The following BAZ1A variants were observed in gnomAD, a reference collection of about 807,000 sequenced individuals.
The protein encoded by BAZ1A is bromodomain adjacent to zinc finger domain 1A.
In BAZ1A, 50 loss-of-function variants were observed where a neutral mutation model predicts 185.2. The ratio of observed to expected loss-of-function variants is 0.27; its 90% confidence interval spans 0.22 to 0.34. BAZ1A has a LOEUF of 0.34. Ranked by LOEUF, BAZ1A falls within the 10% of genes least tolerant of loss-of-function variation. The pLI is 1.00. For missense variants in BAZ1A, 1,356 were observed against 1,839.9 expected, an observed-to-expected ratio of 0.74 and a Z score of 4.81; for synonymous variants, 571 against 615.6, an observed-to-expected ratio of 0.93 and a Z score of 1.07.
intron 3 of BAZ1A, among the ~76,000 whole-genome samples, chr14:34,857,875 C>T (rs1223207125): frequency 2.0e-5 from 3 of 152,218 alleles, no homozygotes; most frequent in African/African-American, 7.2e-5. Context: ...ACTTCCTCCA[C>T]AGCAACATTC....
intron 21 of BAZ1A, 81 bp from the exon 22 acceptor site, chr14:34,765,349 A>G (rs1878768581): frequency 7.3e-6 from 11 of 1,503,898 alleles, no homozygotes; most frequent in Non-Finnish European, 9.8e-6. Context: ...GGTAGTTTAA[A>G]TATAGGTTAG....
intron 3 of BAZ1A, 122 bp downstream of exon 3, chr14:34,861,922 G>T: frequency 2.6e-6 from 3 of 1,148,044 alleles, no homozygotes; most frequent in Non-Finnish European, 1.2e-6. Flanking sequence ...CTATCTGTGG[G>T]TTAACAGAAT....
intron 7 of BAZ1A, 90 bp from the exon 8 acceptor site, chr14:34,801,283 AT>A: frequency 1.2e-6 from 1 of 869,310 alleles, no homozygotes; most frequent in Non-Finnish European, 1.8e-6. Context: ...CACTTTCTTT[AT>A]ACTAAAATGA....
chr14:34,866,502 A>AAAAAAAAAAAAAAAAAAAGGAAAAG, intron 2 of BAZ1A, among the ~76,000 whole-genome samples: 1 of 79,538 alleles, frequency 1.3e-5, no homozygotes, highest in African/African-American at 3.8e-5. Flanking sequence ...AAAAAAAAAA[A>AAAAAAAAAAAAAAAAAAAGGAAAAG]GAAAAAAGTT....
intron 2 of BAZ1A, among the ~76,000 whole-genome samples, chr14:34,872,713 A>G (rs1288918154): frequency 2.0e-5 from 3 of 152,180 alleles, no homozygotes; most frequent in Non-Finnish European, 2.9e-5. Flanking sequence ...CTCAAGAACC[A>G]AAGTGCCTTA....
chr14:34,825,070 A>G (rs1465538814), intron 4 of BAZ1A, among the ~76,000 whole-genome samples: 1 of 152,186 alleles, frequency 6.6e-6, no homozygotes, highest in African/African-American at 2.4e-5. Flanking sequence ...CAGACCATCA[A>G]TTGTCTGAAT....
chr14:34,867,946 GTAAC>G (rs2042887272), intron 2 of BAZ1A, among the ~76,000 whole-genome samples: 1 of 152,218 alleles, frequency 6.6e-6, no homozygotes. Context: ...TATTAAGAAT[GTAAC>G]TAACGAAACT....
chr14:34,784,216 A>G (rs1214292983), intron 14 of BAZ1A, among the ~76,000 whole-genome samples: 1 of 151,558 alleles, frequency 6.6e-6, no homozygotes, highest in East Asian at 2.0e-4. Context: ...TAAAAATACA[A>G]AAATAGCTGG....
chr14:34,861,656 G>A (rs560879142), intron 3 of BAZ1A, among the ~76,000 whole-genome samples: 1 of 152,230 alleles, frequency 6.6e-6, no homozygotes, highest in South Asian at 2.1e-4. Flanking sequence ...CCATATAATA[G>A]AACTTTATTA....
At chr14:34,809,483 T>C (rs1375808322) in intron 5 of BAZ1A, among the ~76,000 whole-genome samples, 2 of 152,178 alleles carry the variant, frequency 1.3e-5, no homozygotes, top group Non-Finnish European at 2.9e-5. Flanking sequence ...AACATTTCCA[T>C]TATAAAAGAA....
Position 34,874,401 on chromosome 14 carries a change from A to G in BAZ1A, c.113+91T>C, listed in dbSNP as rs1354289585. ...GTCACTTTCAAGTCGCCCCGCCAGA[A>G]GCCCAGGGCGAGGAAAAGGAGAGAG... On this transcript the variant is annotated intron_variant, in intron 2 of 26. Transcript: ENST00000360310. The surrounding 1 kb of genome is among the most constrained non-coding windows in gnomAD (Gnocchi z 4.7). 16 of 1,266,382 alleles carry G rather than the reference A, an allele frequency of 1.3e-5. No individual in the cohort carries two copies. The highest frequency in any genetic ancestry group is 1.7e-5 in the Non-Finnish European group (15 of 882,300). 78.4% of individuals were successfully genotyped at this position (1,266,382 alleles called of 1,614,324 possible).
chr14:34,843,279 A>G (rs2042446434), intron 3 of BAZ1A, among the ~76,000 whole-genome samples: 1 of 152,184 alleles, frequency 6.6e-6, no homozygotes, highest in South Asian at 2.1e-4. Context: ...CCCTTCCCAC[A>G]TTAACTCTGG....
At chr14:34,763,125 C>A (rs28612125) in intron 23 of BAZ1A, among the ~76,000 whole-genome samples, 1,797 of 152,234 alleles carry the variant, frequency 0.012, 39 homozygotes, top group African/African-American at 0.04. Flanking sequence ...TAAAAGAATG[C>A]AACACCTCCA....
chr14:34,764,064 C>T (rs900144282), intron 23 of BAZ1A, among the ~76,000 whole-genome samples: 1 of 152,078 alleles, frequency 6.6e-6, no homozygotes, highest in Non-Finnish European at 1.5e-5. Context: ...TTCGCTAGGC[C>T]TGAATGACAC....
At chr14:34,783,431 G>A (rs571684163) in intron 15 of BAZ1A, among the ~76,000 whole-genome samples, 199 bp from the exon 16 acceptor site, 82 of 149,224 alleles carry the variant, frequency 5.5e-4, no homozygotes, top group Middle Eastern at 7.0e-3. Flanking sequence ...TGCTTCCCAG[G>A]ATCAAGTGAT....
intron 9 of BAZ1A, among the ~76,000 whole-genome samples, chr14:34,798,649 G>C (rs1255859830): frequency 1.3e-5 from 2 of 152,148 alleles, no homozygotes; most frequent in Non-Finnish European, 1.5e-5. Context: ...CTCATCACTG[G>C]TCATCAGAGA....
chr14:34,860,827 G>A (rs2042757822), intron 3 of BAZ1A, among the ~76,000 whole-genome samples: 2 of 152,032 alleles, frequency 1.3e-5, no homozygotes, highest in Non-Finnish European at 2.9e-5. Flanking sequence ...GAACCTGGGA[G>A]GTGGAGGTTA....
chr14:34,773,871 T>TA, intron 19 of BAZ1A, 145 bp from the exon 20 acceptor site: 1 of 818,260 alleles, frequency 1.2e-6, no homozygotes, highest in Non-Finnish European at 1.9e-6. Context: ...ATAAGGTTAC[T>TA]AAGTGGCCAA....
At position 34,791,148 on chromosome 14, in the gene BAZ1A, A is replaced by AAAGAGAAGAGAAAAGAGAAGAG. The variant is rs1880821565; in HGVS notation, c.1510+1626_1510+1627insCTCTTCTCTTTTCTCTTCTCTT. Among the ~76,000 whole-genome samples, 7 of 151,552 alleles carry AAAGAGAAGAGAAAAGAGAAGAG rather than the reference A, an allele frequency of 4.6e-5. No homozygotes were observed. The South Asian group carries it at 8.3e-4, about 18-fold the overall frequency. The stretch of plus-strand genomic sequence containing the variant: ...AAAAAAGAAAAGAAAAGAGAAGAGA[A>AAAGAGAAGAGAAAAGAGAAGAG]AAGAGAAGAGAAGAGAGTAGTAATG... On this transcript the variant is annotated intron_variant, in intron 12 of 26. Coordinates refer to ENST00000360310, the MANE Select transcript of BAZ1A (RefSeq NM_013448.3).
Sources: allele counts gnomAD v4.1 joint callset (sites outside exome capture counted in the v4.1 genomes callset), GRCh38; gene constraint gnomAD v4.1.1; non-coding constraint Gnocchi (gnomAD v3.1); transcripts MANE v1.5; gene names NCBI Gene and HGNC (gene_info 2026-07-23, HGNC 2026-07-21).